The following SLC16A2 variants were observed in gnomAD, a reference collection of about 807,000 sequenced individuals.
SLC16A2 encodes the protein monocarboxylate transporter 8.
A neutral mutation model predicts 27.2 loss-of-function variants in SLC16A2; 3 were observed. That is an observed-to-expected ratio of 0.11 (90% CI 0.05 to 0.28). The LOEUF is 0.28. SLC16A2 is among the 10% of genes least tolerant of loss of function. The pLI, the probability that SLC16A2 is intolerant of heterozygous loss-of-function variation, is 1.00. For missense variants in SLC16A2, 295 were observed against 458.5 expected, an observed-to-expected ratio of 0.64 and a Z score of 3.26; for synonymous variants, 202 against 187.8, an observed-to-expected ratio of 1.08 and a Z score of -0.62.
At chrX:74,453,634 C>T (rs1221742329) in intron 1 of SLC16A2, among the ~76,000 whole-genome samples, 1 of 110,785 alleles carries the variant, frequency 9.0e-6, no homozygotes, top group East Asian at 2.8e-4. Context: ...AGTGCAGTGG[C>T]TATTCATAGG....
chrX:74,469,337 C>T (rs113979039), intron 1 of SLC16A2, among the ~76,000 whole-genome samples: 13,571 of 111,003 alleles, frequency 0.12, 688 homozygotes, highest in African/African-American at 0.18. Flanking sequence ...TGGATATATA[C>T]CCAGCAGTGG....
chrX:74,460,424 G>T (rs1196025578), intron 1 of SLC16A2, among the ~76,000 whole-genome samples: 1 of 111,659 alleles, frequency 9.0e-6, no homozygotes, highest in Non-Finnish European at 1.9e-5. Context: ...CTCAGGGTCA[G>T]ACTTACATTG....
chrX:74,430,749 T>A (rs1265538553), intron 1 of SLC16A2, among the ~76,000 whole-genome samples: 6 of 112,204 alleles, frequency 5.3e-5, no homozygotes, highest in Non-Finnish European at 1.1e-4. Context: ...GAGTTTGTTG[T>A]TGTTGTTGTT....
chrX:74,430,045 C>T (rs11797592), intron 1 of SLC16A2, among the ~76,000 whole-genome samples: 1 of 112,144 alleles, frequency 8.9e-6, no homozygotes, highest in Non-Finnish European at 1.9e-5. Context: ...AATATGCACC[C>T]TAATAAGTAT....
Position 74,423,922 on chromosome X carries a change from G to A in SLC16A2, c.430+1855G>A, listed in dbSNP as rs1602100890. ...AGGCCCTGGCATTTATATGGTGTGAGGAGGCCTAGAGCTGTGATCTTAGGA... is the reference window on the plus strand; with the variant it reads ...AGGCCCTGGCATTTATATGGTGTGAAGAGGCCTAGAGCTGTGATCTTAGGA... On this transcript the variant is annotated intron_variant, in intron 1 of 5. Coordinates refer to ENST00000587091, the MANE Select transcript of SLC16A2 (RefSeq NM_006517.5). 2.7e-5 allele frequency among the ~76,000 whole-genome samples: 3 copies of A among 111,596 alleles called. No individual in the cohort carries two copies. In the East Asian group the frequency reaches 8.5e-4, roughly 32 times the overall value.
chrX:74,433,273 GAGGC>G (rs1928565449), intron 1 of SLC16A2, among the ~76,000 whole-genome samples: 1 of 110,047 alleles, frequency 9.1e-6, no homozygotes, highest in Non-Finnish European at 1.9e-5. Flanking sequence ...TTGGGAGGCT[GAGGC>G]AGGAGAATTG....
intron 1 of SLC16A2, among the ~76,000 whole-genome samples, chrX:74,519,746 A>ACAAC (rs1424472744): frequency 1.3e-5 from 1 of 75,030 alleles, no homozygotes; most frequent in Non-Finnish European, 3.0e-5. Context: ...AAAAAACGAA[A>ACAAC]GAAAGAAAAA....
chrX:74,494,844 G>A (rs1197473604), intron 1 of SLC16A2, among the ~76,000 whole-genome samples: 1 of 111,399 alleles, frequency 9.0e-6, no homozygotes, highest in Non-Finnish European at 1.9e-5. Flanking sequence ...CCAAACTCCT[G>A]TATGTGCTAT....
At chrX:74,456,312 G>A (rs1305586397) in intron 1 of SLC16A2, among the ~76,000 whole-genome samples, 2 of 111,489 alleles carry the variant, frequency 1.8e-5, no homozygotes, top group Non-Finnish European at 3.8e-5. Context: ...CCAGGCCCGA[G>A]CTTGGAAAAT....
intron 1 of SLC16A2, among the ~76,000 whole-genome samples, chrX:74,504,356 T>C (rs929616865): frequency 8.1e-5 from 8 of 99,275 alleles, no homozygotes; most frequent in African/African-American, 2.9e-4. Flanking sequence ...GAGGAAGGGG[T>C]TAGAAACTTT....
At position 74,531,790 on chromosome X, in the gene SLC16A2, T is replaced by G. The variant is rs1174608988; in HGVS notation, c.*237T>G. ...TCTCCTCCCAGGATCTGGGAAAGCT[T>G]GGGAACCACCCCTGGCCTTTGGAAC... On this transcript the variant is annotated 3_prime_UTR_variant, in exon 6 of 6. Coordinates refer to ENST00000587091, the MANE Select transcript of SLC16A2 (RefSeq NM_006517.5). The G allele has an allele frequency of 9.0e-6, 4 of 443,828 alleles. No homozygotes were observed. The highest frequency in any genetic ancestry group is 1.6e-5 in the Non-Finnish European group (4 of 252,661). 36.6% of individuals were successfully genotyped at this position (443,828 alleles called of 1,213,427 possible). A position where few individuals can be genotyped will look rare whatever the true frequency, so the allele number is the denominator to read the frequency against.
chrX:74,439,821 T>C, intron 1 of SLC16A2, among the ~76,000 whole-genome samples: 1 of 109,508 alleles, frequency 9.1e-6, no homozygotes, highest in Non-Finnish European at 1.9e-5. Context: ...AGTGAGGGTA[T>C]TGAGGTTTAT....
chrX:74,481,623 T>G (rs1416595018), intron 1 of SLC16A2, among the ~76,000 whole-genome samples: 1 of 109,663 alleles, frequency 9.1e-6, no homozygotes, highest in Non-Finnish European at 1.9e-5. Context: ...ATTAAACGTT[T>G]GCCAGTTCTG....
intron 1 of SLC16A2, among the ~76,000 whole-genome samples, chrX:74,457,105 T>A (rs376911893): frequency 9.5e-6 from 1 of 105,205 alleles, no homozygotes; most frequent in African/African-American, 3.5e-5. Context: ...ATCAAAATCC[T>A]CTGGGGAGCT....
At chrX:74,494,796 T>C (rs1004168443) in intron 1 of SLC16A2, among the ~76,000 whole-genome samples, 51 of 111,252 alleles carry the variant, frequency 4.6e-4, no homozygotes, top group Admixed American at 6.7e-4. Context: ...ACCCAGCTAC[T>C]GAGGGACTGG....
At chrX:74,493,279 G>A (rs977588201) in intron 1 of SLC16A2, among the ~76,000 whole-genome samples, 4 of 112,286 alleles carry the variant, frequency 3.6e-5, no homozygotes, top group African/African-American at 1.3e-4. Context: ...TCCTGCTCGG[G>A]GTGGAGGTTG....
At chrX:74,442,807 A>G (rs1225946662) in intron 1 of SLC16A2, among the ~76,000 whole-genome samples, 1 of 111,563 alleles carries the variant, frequency 9.0e-6, no homozygotes, top group Non-Finnish European at 1.9e-5. Flanking sequence ...ATACAAAAAA[A>G]TTAGCCAGGC....
chrX:74,431,460 A>C (rs1461785439), intron 1 of SLC16A2, among the ~76,000 whole-genome samples: 3 of 111,488 alleles, frequency 2.7e-5, no homozygotes, highest in Non-Finnish European at 5.6e-5. Context: ...TAGACACTGG[A>C]GACTACCAGA....
intron 1 of SLC16A2, among the ~76,000 whole-genome samples, chrX:74,424,105 G>A (rs1254819595): frequency 1.8e-5 from 2 of 108,232 alleles, no homozygotes; most frequent in African/African-American, 3.4e-5. Context: ...TGGGGGTGGT[G>A]GTGGGGGTGC....
Sources: gnomAD v4.1 joint callset for allele counts (sites outside exome capture counted in the v4.1 genomes callset) on GRCh38, gnomAD v4.1.1 for gene constraint, MANE v1.5 for transcripts, NCBI Gene and HGNC (gene_info 2026-07-23, HGNC 2026-07-21) for gene names.